Variants in RPS6KC1 observed in about 807,000 individuals in gnomAD.
RPS6KC1 encodes ribosomal protein S6 kinase C1.
In RPS6KC1, 54 loss-of-function variants were observed where a neutral mutation model predicts 103.8. The ratio of observed to expected loss-of-function variants is 0.52; its 90% CI spans 0.42 to 0.65. The LOEUF is 0.65. Ranked by LOEUF, RPS6KC1 falls within the 30% of genes least tolerant of loss-of-function variation. The pLI is 0.00. For synonymous variants in RPS6KC1, 439 were observed against 438.7 expected (o/e 1.00, Z -0.01); for missense variants, 1,151 against 1,253.8 (o/e 0.92, Z 1.24).
the RPS6KC1 span, among the ~76,000 whole-genome samples, chr1:213,335,759 A>G: frequency 6.6e-6 from 1 of 152,064 alleles, no homozygotes; most frequent in African/African-American, 2.4e-5. Context: ...AGCTGATGTA[A>G]GGAGAGAGCT....
the RPS6KC1 span, among the ~76,000 whole-genome samples, chr1:213,376,077 G>C: frequency 6.9e-6 from 1 of 144,208 alleles, no homozygotes; most frequent in Non-Finnish European, 1.5e-5. Context: ...GGCTCTTCTC[G>C]TGACAACTGT....
chr1:213,364,803 C>G, the RPS6KC1 span, among the ~76,000 whole-genome samples: 2 of 151,908 alleles, frequency 1.3e-5, no homozygotes, highest in African/African-American at 4.8e-5. Flanking sequence ...AAAAAAATCA[C>G]AAAAATTAGT....
At chr1:213,424,475 T>C in the RPS6KC1 span, among the ~76,000 whole-genome samples, 1 of 152,232 alleles carries the variant, frequency 6.6e-6, no homozygotes, top group African/African-American at 2.4e-5. Flanking sequence ...CTTCAGAGCA[T>C]TGGAGGTTTG....
chr1:213,398,143 T>C, the RPS6KC1 span, among the ~76,000 whole-genome samples: 2 of 151,360 alleles, frequency 1.3e-5, no homozygotes, highest in Non-Finnish European at 2.9e-5. Context: ...GCGATTCTTC[T>C]GCCTCAGCCT....
the RPS6KC1 span, among the ~76,000 whole-genome samples, chr1:213,773,315 G>A: frequency 4.6e-5 from 7 of 151,518 alleles, 1 homozygote; most frequent in Non-Finnish European, 5.9e-5. Context: ...TTCTCACCGC[G>A]CACCCCCAAC....
chr1:213,749,638 C>T, the RPS6KC1 span, among the ~76,000 whole-genome samples: 1 of 152,292 alleles, frequency 6.6e-6, no homozygotes, highest in East Asian at 1.9e-4. Context: ...GCCAAGAGCA[C>T]CTCGGGGAGC....
the RPS6KC1 span, among the ~76,000 whole-genome samples, chr1:213,745,833 G>T: frequency 6.6e-6 from 1 of 152,128 alleles, no homozygotes; most frequent in East Asian, 1.9e-4. Context: ...GGATGCTCAG[G>T]TTAAATCTCT....
At chr1:213,350,457 A>G in the RPS6KC1 span, among the ~76,000 whole-genome samples, 3,534 of 152,230 alleles carry the variant, frequency 0.023, 150 homozygotes, top group African/African-American at 0.081. Context: ...GTGTGTGTGT[A>G]TTAGCATGTG....
At chr1:213,343,389 GTGTATATATA>G in the RPS6KC1 span, among the ~76,000 whole-genome samples, 133 of 65,856 alleles carry the variant, frequency 2.0e-3, 4 homozygotes, top group African/African-American at 9.6e-3. Flanking sequence ...TCAGTGTTGT[GTGTATATATA>G]TATATATATA....
At chr1:213,835,479 C>T in the RPS6KC1 span, among the ~76,000 whole-genome samples, 1 of 152,134 alleles carries the variant, frequency 6.6e-6, no homozygotes, top group Non-Finnish European at 1.5e-5. Context: ...ACTGGGCGAC[C>T]AGTTAGGAGG....
the RPS6KC1 span, among the ~76,000 whole-genome samples, chr1:213,859,424 T>C: frequency 6.6e-6 from 1 of 152,200 alleles, no homozygotes; most frequent in Non-Finnish European, 1.5e-5. Context: ...AGAATGAAGC[T>C]TCTAGGTCAA....
intron 3 of RPS6KC1, among the ~76,000 whole-genome samples, chr1:213,091,626 C>T (rs1466210926): frequency 1.3e-5 from 2 of 152,216 alleles, no homozygotes; most frequent in Non-Finnish European, 2.9e-5. Flanking sequence ...TAAACACTTA[C>T]CCATTTTATT....
At chr1:213,249,952 C>T (rs563704557) in intron 12 of RPS6KC1, among the ~76,000 whole-genome samples, 1 of 152,206 alleles carries the variant, frequency 6.6e-6, no homozygotes, top group Middle Eastern at 3.4e-3. Context: ...AACATGGTTG[C>T]CAGGTCACCA....
chr1:213,206,946 A>G (rs1033353851), intron 8 of RPS6KC1, among the ~76,000 whole-genome samples: 2 of 152,000 alleles, frequency 1.3e-5, no homozygotes, highest in Non-Finnish European at 2.9e-5. Flanking sequence ...CCCTGTCTCT[A>G]CCGAAAATAC....
chr1:213,432,749 C>CTT, the RPS6KC1 span, among the ~76,000 whole-genome samples: 1 of 147,266 alleles, frequency 6.8e-6, no homozygotes, highest in Admixed American at 6.8e-5. Flanking sequence ...AATCATTTCC[C>CTT]TTTTTTTTTT....
At chr1:213,325,650 C>G in the RPS6KC1 span, among the ~76,000 whole-genome samples, 1 of 150,760 alleles carries the variant, frequency 6.6e-6, no homozygotes, top group South Asian at 2.1e-4. Flanking sequence ...ACCACTTCCG[C>G]TTCTGGGAAA....
chr1:213,758,217 A>C, the RPS6KC1 span, among the ~76,000 whole-genome samples: 2 of 152,172 alleles, frequency 1.3e-5, no homozygotes, highest in Non-Finnish European at 2.9e-5. Context: ...GATTCCTCTG[A>C]TGGATCTTGA....
At chr1:213,739,828 CA>C in the RPS6KC1 span, among the ~76,000 whole-genome samples, 1 of 152,118 alleles carries the variant, frequency 6.6e-6, no homozygotes, top group Non-Finnish European at 1.5e-5. Flanking sequence ...CGCAAAGATT[CA>C]AAAGTATGCC....
At chr1:213,833,469 G>A in the RPS6KC1 span, among the ~76,000 whole-genome samples, 971 of 152,244 alleles carry the variant, frequency 6.4e-3, 8 homozygotes, top group Non-Finnish European at 9.6e-3. Flanking sequence ...GCTTCTGAAA[G>A]ACCTCACCCA....
Sources: allele counts gnomAD v4.1 joint callset (sites outside exome capture counted in the v4.1 genomes callset), GRCh38; gene constraint gnomAD v4.1.1; transcripts MANE v1.5; gene names NCBI Gene and HGNC (gene_info 2026-07-23, HGNC 2026-07-21).